AMZ1: variants seen among roughly 807,000 people sequenced by gnomAD.
AMZ1 encodes archaemetzincin-1.
A neutral mutation model predicts 29.9 loss-of-function variants in AMZ1; 39 were observed. The observed-to-expected ratio is 1.30, with a 90% CI of 1.01 to 1.70. AMZ1 has a LOEUF of 1.70. Ranked by LOEUF, AMZ1 falls within the 40% of genes most tolerant of loss-of-function variation. The probability of loss-of-function intolerance (pLI) is 0.00; values close to 1 mark genes in which losing one functional copy is unlikely to be tolerated. For synonymous variants in AMZ1, 458 were observed against 304.0 expected (o/e 1.51, Z -5.27); for missense variants, 1,041 against 680.6 (o/e 1.53, Z -5.89).
chr7:2,744,311 T>G (rs903876073), intron 4 of AMZ1, among the ~76,000 whole-genome samples: 6 of 152,142 alleles, frequency 3.9e-5, no homozygotes, highest in African/African-American at 1.4e-4. Flanking sequence ...GGTACTCCTC[T>G]GAGACAAAAC....
chr7:2,711,854 G>A (rs1005143072), intron 6 of AMZ1, among the ~76,000 whole-genome samples: 3 of 152,156 alleles, frequency 2.0e-5, no homozygotes, highest in Admixed American at 1.3e-4. Flanking sequence ...GACCAGCCTG[G>A]CTAACATGGT....
At chr7:2,685,122 G>A (rs963453588), upstream of AMZ1, among the ~76,000 whole-genome samples, 7 of 151,710 alleles carry the variant, frequency 4.6e-5, no homozygotes, top group Non-Finnish European at 7.4e-5. Context: ...GCCCGCCTCG[G>A]CCTCCCAAAG....
chr7:2,686,350 T>C (rs939652807), upstream of AMZ1, among the ~76,000 whole-genome samples: 1 of 152,126 alleles, frequency 6.6e-6, no homozygotes, highest in African/African-American at 2.4e-5. Flanking sequence ...TTGAGCAACA[T>C]AGCGAGATCC....
chr7:2,730,863 A>C (rs1330039317), intron 4 of AMZ1: 1 of 207,980 alleles, frequency 4.8e-6, no homozygotes, highest in African/African-American at 7.7e-5. Context: ...GTCCTCAATT[A>C]AACTGCGTCA....
Position 2,713,032 on chromosome 7 carries a change from G to GT in AMZ1, c.*157dup, listed in dbSNP as rs1788902003. On this transcript the variant is annotated 3_prime_UTR_variant, in exon 7 of 7. Transcript: ENST00000683327. Reference sequence around the variant, plus strand: ...ATCCCATCACTTTGAGAGGCCAGGAGTTTGAGACCAGACTGGGCAACATGG... The same window carrying GT: ...ATCCCATCACTTTGAGAGGCCAGGAGTTTTGAGACCAGACTGGGCAACATGG... The GT allele has an allele frequency of 1.3e-6, 1 of 789,106 alleles. No homozygotes were observed. Among genetic ancestry groups the GT allele is most frequent in the Non-Finnish European group, 1.8e-6 (1 of 554,800 alleles). The allele number at this position is 789,106 out of a possible 1,614,324, so 48.9% of individuals were successfully genotyped here. A position where few individuals can be genotyped will look rare whatever the true frequency, so the allele number is the denominator to read the frequency against.
At chr7:2,712,179 G>A in intron 6 of AMZ1, 151 bp from the exon 7 acceptor site, 1 of 785,502 alleles carries the variant, frequency 1.3e-6, no homozygotes, top group East Asian at 2.9e-5. Context: ...AAAGGGTGCT[G>A]GTCACAAGAG....
chr7:2,743,052 G>C (rs1429095100), intron 4 of AMZ1, among the ~76,000 whole-genome samples: 1 of 152,166 alleles, frequency 6.6e-6, no homozygotes, highest in Non-Finnish European at 1.5e-5. Flanking sequence ...AGAACAAGAG[G>C]ACAGAGCTGG....
chr7:2,686,146 G>C (rs76865965), upstream of AMZ1, among the ~76,000 whole-genome samples: 169 of 152,360 alleles, frequency 1.1e-3, no homozygotes, highest in African/African-American at 3.9e-3. Context: ...GTCCAGCGCA[G>C]ACCATCAGGG....
At chr7:2,684,398 G>A (rs775054431), upstream of AMZ1, among the ~76,000 whole-genome samples, 19 of 152,126 alleles carry the variant, frequency 1.2e-4, no homozygotes, top group East Asian at 1.9e-4. Flanking sequence ...TTTGGGAGCC[G>A]CTATGTAACC....
At chr7:2,704,137 C>T (rs1175192778) in intron 3 of AMZ1, among the ~76,000 whole-genome samples, 1 of 152,226 alleles carries the variant, frequency 6.6e-6, no homozygotes, top group Non-Finnish European at 1.5e-5. Context: ...GATCTGCCTG[C>T]ATTGGCCTCC....
chr7:2,722,221 G>T (rs74838648), downstream of AMZ1, among the ~76,000 whole-genome samples: 1,517 of 152,224 alleles, frequency 1.0e-2, 22 homozygotes, highest in African/African-American at 0.034. Flanking sequence ...GGCGACGCTT[G>T]TGCCCATCGA....
intron 3 of AMZ1, among the ~76,000 whole-genome samples, chr7:2,707,565 C>G (rs1304762931): frequency 6.6e-6 from 1 of 152,076 alleles, no homozygotes; most frequent in Non-Finnish European, 1.5e-5. Flanking sequence ...GGGAACCATG[C>G]TAACAAGTTA....
chr7:2,753,503 T>C (rs372773561), intron 4 of AMZ1, among the ~76,000 whole-genome samples: 1 of 152,220 alleles, frequency 6.6e-6, no homozygotes, highest in Non-Finnish European at 1.5e-5. Context: ...GCTCACACTG[T>C]TGCATCTGTC....
At chr7:2,726,631 T>C (rs1789629570) in intron 4 of AMZ1, among the ~76,000 whole-genome samples, 1 of 152,324 alleles carries the variant, frequency 6.6e-6, no homozygotes, top group Middle Eastern at 3.4e-3. Context: ...ACTCTCTGCC[T>C]TTCCCACTTG....
intron 4 of AMZ1, among the ~76,000 whole-genome samples, chr7:2,740,590 T>C (rs894063004): frequency 6.6e-6 from 1 of 152,204 alleles, no homozygotes. Context: ...CCGACAAATA[T>C]AATTATGAAC....
intron 4 of AMZ1, among the ~76,000 whole-genome samples, chr7:2,727,213 C>G (rs1789657285): frequency 6.6e-6 from 1 of 151,876 alleles, no homozygotes; most frequent in Non-Finnish European, 1.5e-5. Flanking sequence ...TTCCGAGTAG[C>G]TAGGATTACA....
At chr7:2,693,957 C>T (rs1000856534) in intron 1 of AMZ1, among the ~76,000 whole-genome samples, 3 of 152,194 alleles carry the variant, frequency 2.0e-5, no homozygotes, top group Non-Finnish European at 4.4e-5. Flanking sequence ...CACCTAACTC[C>T]ATGGGGCCAG....
chr7:2,713,462 C>T lies in AMZ1; in HGVS notation c.*584C>T, dbSNP rs1181313745. The T allele has an allele frequency of 6.5e-6, 1 of 152,712 alleles. No individual in the cohort carries two copies. The highest frequency in any genetic ancestry group is 1.5e-5 in the Non-Finnish European group (1 of 68,312). The allele number at this position is 152,712 out of a possible 1,614,324, so 9.5% of individuals were successfully genotyped here. On this transcript the variant is annotated 3_prime_UTR_variant, in exon 7 of 7. Transcript: ENST00000683327. ...GAAGCAGCGTGCGTCCTGTCTCCTT[C>T]CAGGCTGTGGGCCTGCCCTTCAGTT...
chr7:2,721,091 G>A (rs1003500708), downstream of AMZ1, among the ~76,000 whole-genome samples: 12 of 152,212 alleles, frequency 7.9e-5, no homozygotes, highest in African/African-American at 2.7e-4. Flanking sequence ...ACCAGCAGCT[G>A]CAAAACGACC....
Sources: gnomAD v4.1 joint callset for allele counts (sites outside exome capture counted in the v4.1 genomes callset) on GRCh38, gnomAD v4.1.1 for gene constraint, MANE v1.5 for transcripts, NCBI Gene and HGNC (gene_info 2026-07-23, HGNC 2026-07-21) for gene names.